CBLB: variants seen among roughly 807,000 people sequenced by gnomAD.
The protein encoded by CBLB is E3 ubiquitin-protein ligase CBL-B.
CBLB carries 31 observed loss-of-function variants against 104.9 expected under a neutral mutation model. The ratio of observed to expected loss-of-function variants is 0.30; its 90% CI spans 0.22 to 0.40. The LOEUF is 0.40. Ranked by LOEUF, CBLB falls within the 10% of genes least tolerant of loss-of-function variation. CBLB has a pLI of 1.00. For missense variants in CBLB, 1,062 were observed against 1,214.6 expected (o/e 0.87, Z 1.87); for synonymous variants, 440 against 422.6 (o/e 1.04, Z -0.51).
intron 18 of CBLB, among the ~76,000 whole-genome samples, chr3:105,668,445 G>A (rs1168466779): frequency 6.6e-6 from 1 of 152,142 alleles, no homozygotes; most frequent in Non-Finnish European, 1.5e-5. Context: ...TTAATCCAGA[G>A]CTGGTGGTAC....
intron 3 of CBLB, among the ~76,000 whole-genome samples, chr3:105,819,005 T>C (rs936012590): frequency 3.3e-5 from 5 of 152,224 alleles, no homozygotes; most frequent in African/African-American, 1.2e-4. Flanking sequence ...AATCTGCAAA[T>C]AGAACTTCTG....
chr3:105,693,658 T>G, intron 12 of CBLB, 70 bp from the exon 13 acceptor site: 12 of 976,150 alleles, frequency 1.2e-5, no homozygotes, highest in East Asian at 2.4e-5. Context: ...ATAGCTGCTC[T>G]ACCATTCTGA....
At chr3:105,817,052 T>C (rs1009236983) in intron 3 of CBLB, among the ~76,000 whole-genome samples, 13 of 152,136 alleles carry the variant, frequency 8.5e-5, no homozygotes, top group Non-Finnish European at 5.9e-5. Context: ...AGAATTAGCA[T>C]GACATGTTTT....
intron 12 of CBLB, 57 bp downstream of exon 12, chr3:105,702,037 G>A (rs1326343909): frequency 1.8e-5 from 29 of 1,599,982 alleles, no homozygotes; most frequent in Non-Finnish European, 2.1e-5. Flanking sequence ...TTATGCTACT[G>A]ACCATCAGAA....
intron 17 of CBLB, among the ~76,000 whole-genome samples, chr3:105,676,524 A>G (rs1011005018): frequency 2.6e-5 from 4 of 152,220 alleles, no homozygotes; most frequent in African/African-American, 9.6e-5. Flanking sequence ...AGGTAATAGG[A>G]GAGCCAGAAA....
At chr3:105,811,747 T>C (rs555621512) in intron 3 of CBLB, among the ~76,000 whole-genome samples, 114 of 152,308 alleles carry the variant, frequency 7.5e-4, no homozygotes, top group Non-Finnish European at 1.4e-3. Context: ...TTCACTCTTG[T>C]TCTCCGGGCT....
rs550995372 is a variant in CBLB at position 105,741,481 on chromosome 3, C to T, written c.846-850G>A. ...CGCAATCACGGCTCACTGCAAGCTC[C>T]GCCTCCCAGGTTCACGCTATTCTCC... On this transcript the variant is annotated intron_variant, in intron 6 of 18. Transcript: ENST00000394030. Among the ~76,000 whole-genome samples the T allele has an allele frequency of 2.1e-4, 32 of 152,220 alleles. No individual in the cohort carries two copies. In the South Asian group the frequency reaches 3.5e-3, roughly 17 times the overall value.
intron 12 of CBLB, among the ~76,000 whole-genome samples, chr3:105,699,436 A>T (rs1449611661): frequency 1.3e-5 from 2 of 152,194 alleles, no homozygotes; most frequent in African/African-American, 4.8e-5. Flanking sequence ...AATAAAATAA[A>T]GTTCCACTTT....
At chr3:105,719,820 T>C (rs530172134) in intron 10 of CBLB, among the ~76,000 whole-genome samples, 1 of 152,280 alleles carries the variant, frequency 6.6e-6, no homozygotes, top group South Asian at 2.1e-4. Context: ...TCATAGGAGA[T>C]GACAGCTCCA....
At chr3:105,729,941 C>T (rs897721135) in intron 9 of CBLB, among the ~76,000 whole-genome samples, 11 of 151,960 alleles carry the variant, frequency 7.2e-5, no homozygotes, top group African/African-American at 2.4e-4. Flanking sequence ...GGAAGCACTA[C>T]GTGAAGACTG....
chr3:105,864,335 C>T (rs761990840), intron 2 of CBLB, among the ~76,000 whole-genome samples: 1 of 152,132 alleles, frequency 6.6e-6, no homozygotes, highest in African/African-American at 2.4e-5. Context: ...AGTGGAAACA[C>T]AGTAGGCCCT....
intron 3 of CBLB, among the ~76,000 whole-genome samples, chr3:105,807,673 C>T (rs1392864923): frequency 6.6e-6 from 1 of 151,838 alleles, no homozygotes; most frequent in Non-Finnish European, 1.5e-5. Flanking sequence ...TTTTAAAAGT[C>T]CTTATTTGCT....
intron 4 of CBLB, among the ~76,000 whole-genome samples, chr3:105,764,677 T>C (rs1373228923): frequency 6.6e-6 from 1 of 152,126 alleles, no homozygotes; most frequent in East Asian, 1.9e-4. Context: ...ATTATGGACA[T>C]GATTAAGTTT....
chr3:105,720,663 T>C (rs1288130140), intron 9 of CBLB, among the ~76,000 whole-genome samples: 1 of 152,200 alleles, frequency 6.6e-6, no homozygotes, highest in Non-Finnish European at 1.5e-5. Flanking sequence ...AAATTCATAA[T>C]AAAGCAGTAG....
At chr3:105,779,681 G>GAA (rs138284135) in intron 3 of CBLB, among the ~76,000 whole-genome samples, 1 of 144,854 alleles carries the variant, frequency 6.9e-6, no homozygotes. Flanking sequence ...AGCTTAAAAG[G>GAA]AAAAAAAAAA....
intron 5 of CBLB, among the ~76,000 whole-genome samples, chr3:105,750,980 A>T (rs1310248505): frequency 2.0e-5 from 3 of 152,248 alleles, no homozygotes; most frequent in Non-Finnish European, 4.4e-5. Context: ...CAATTTACAA[A>T]ATAAGTACAG....
In CBLB at chr3:105,811,135, G is replaced by A. The variant is rs186059264; in HGVS notation, c.420-34593C>T. Among the ~76,000 whole-genome samples, 303 of 152,282 alleles carry A rather than the reference G, an allele frequency of 2.0e-3. 2 individuals are homozygous for A. Among genetic ancestry groups the A allele is most frequent in the African/African-American group, 7.1e-3 (294 of 41,566 alleles). On this transcript the variant is annotated intron_variant, in intron 3 of 18. Coordinates refer to ENST00000394030, the MANE Select transcript of CBLB (RefSeq NM_170662.5). ...CCTTAATTAGGCCTTTCCCTGAATA[G>A]TAGAGAAGTCCTGCTGGGCAAAAAC...
At position 105,657,323 on chromosome 3, in the gene CBLB, G is replaced by A. The variant is rs563414310; in HGVS notation, c.*1647C>T. The A allele has an allele frequency of 9.6e-5, 21 of 218,592 alleles. No homozygotes were observed. The East Asian group carries it at 1.2e-3, about 13-fold the overall frequency. 13.5% of individuals were successfully genotyped at this position (218,592 alleles called of 1,614,324 possible). On this transcript the variant is annotated 3_prime_UTR_variant, in exon 19 of 19. Coordinates refer to ENST00000394030, the MANE Select transcript of CBLB (RefSeq NM_170662.5). ...TGCATCTTTTTATATCATGGTGGGTGTGAAGTGAAAAGAGGAGACACAGAA... is the reference window on the plus strand; with the variant it reads ...TGCATCTTTTTATATCATGGTGGGTATGAAGTGAAAAGAGGAGACACAGAA...
At chr3:105,803,732 T>C (rs960614107) in intron 3 of CBLB, among the ~76,000 whole-genome samples, 1 of 152,226 alleles carries the variant, frequency 6.6e-6, no homozygotes, top group Non-Finnish European at 1.5e-5. Flanking sequence ...ACAAAGTTAA[T>C]AAAGCCGGGT....
Sources: allele counts gnomAD v4.1 joint callset (sites outside exome capture counted in the v4.1 genomes callset), GRCh38; gene constraint gnomAD v4.1.1; transcripts MANE v1.5; gene names NCBI Gene and HGNC (gene_info 2026-07-23, HGNC 2026-07-21).